CPLX2: variants seen among roughly 807,000 people sequenced by gnomAD.
CPLX2 encodes the protein complexin 2, also known as complexin-2.
CPLX2 carries 5 observed loss-of-function variants against 16.3 expected under a neutral mutation model. The observed-to-expected ratio is 0.31, with a 90% confidence interval of 0.16 to 0.64. CPLX2 has a LOEUF of 0.64. Ranked by LOEUF, CPLX2 falls within the 30% of genes least tolerant of loss-of-function variation. The probability of loss-of-function intolerance (pLI) is 0.79; values close to 1 mark genes in which losing one functional copy is unlikely to be tolerated. For missense variants in CPLX2, 144 were observed against 181.4 expected (o/e 0.79, Z 1.18); for synonymous variants, 89 against 73.2 (o/e 1.22, Z -1.10).
Position 175,809,590 on chromosome 5 carries a change from G to A in CPLX2, c.-89+522G>A, listed in dbSNP as rs961465331. 2.0e-5 allele frequency among the ~76,000 whole-genome samples: 3 copies of A among 152,146 alleles called. No homozygotes were observed. The highest frequency in any genetic ancestry group is 1.9e-4 in the East Asian group (1 of 5,172). On this transcript the variant is annotated intron_variant, in intron 2 of 4. Coordinates refer to the CPLX2 transcript ENST00000359546. The surrounding 1 kb of genome is among the most constrained non-coding windows in gnomAD (Gnocchi z 4.4). ...TCCTGTGCTTTTTCTGCTGAGCCAC[G>A]GCTTCCTGCACTGATGAGCTCAACA...
At chr5:175,801,552 C>A in intron 1 of CPLX2, among the ~76,000 whole-genome samples, 1 of 152,158 alleles carries the variant, frequency 6.6e-6, no homozygotes, top group East Asian at 1.9e-4. Flanking sequence ...CAAATCCCAG[C>A]CCTGCCATTG....
chr5:175,873,715 T>C (rs1759690756), intron 1 of CPLX2, among the ~76,000 whole-genome samples: 1 of 152,206 alleles, frequency 6.6e-6, no homozygotes, highest in African/African-American at 2.4e-5. Flanking sequence ...TGATGTTAGA[T>C]AATATGTACC....
chr5:175,824,729 G>A (rs907879828), intron 2 of CPLX2, among the ~76,000 whole-genome samples: 6 of 152,190 alleles, frequency 3.9e-5, no homozygotes, highest in African/African-American at 9.7e-5. Flanking sequence ...ACAACAACTC[G>A]GAAGGCTGAG....
chr5:175,803,779 AT>A (rs1315457740), intron 1 of CPLX2, among the ~76,000 whole-genome samples: 1 of 152,194 alleles, frequency 6.6e-6, no homozygotes, highest in Non-Finnish European at 1.5e-5. Context: ...TGTCAGAGTG[AT>A]CCCCTGGGCC....
intron 1 of CPLX2, among the ~76,000 whole-genome samples, chr5:175,798,001 A>G (rs1758025473): frequency 1.3e-5 from 2 of 152,194 alleles, no homozygotes; most frequent in Non-Finnish European, 2.9e-5. Context: ...GACAAGGCCT[A>G]GGGGGCAGGG....
intron 2 of CPLX2, among the ~76,000 whole-genome samples, chr5:175,839,690 A>G (rs1313925040): frequency 1.3e-5 from 2 of 152,254 alleles, no homozygotes; most frequent in Non-Finnish European, 2.9e-5. Context: ...AACCAAGATT[A>G]CATTAAACAT....
intron 2 of CPLX2, among the ~76,000 whole-genome samples, chr5:175,825,505 C>T (rs1407287734): frequency 6.6e-6 from 1 of 152,146 alleles, no homozygotes; most frequent in Non-Finnish European, 1.5e-5. Context: ...CTGGCAGAAG[C>T]CAGAGTGTGA....
chr5:175,841,965 C>T (rs939962758), intron 2 of CPLX2, among the ~76,000 whole-genome samples: 4 of 152,384 alleles, frequency 2.6e-5, no homozygotes, highest in Admixed American at 6.5e-5. Flanking sequence ...TCCTAGCACT[C>T]GCTGCTCAAT....
At chr5:175,852,512 C>T (rs1284248431) in intron 2 of CPLX2, among the ~76,000 whole-genome samples, 1 of 152,200 alleles carries the variant, frequency 6.6e-6, no homozygotes, top group Admixed American at 6.5e-5. Flanking sequence ...GCTTTCTGTG[C>T]CAGGCACCAT....
chr5:175,820,343 G>T (rs914350876), intron 2 of CPLX2, among the ~76,000 whole-genome samples: 2 of 152,216 alleles, frequency 1.3e-5, no homozygotes, highest in African/African-American at 4.8e-5. Flanking sequence ...TCTGTGACTA[G>T]CGGGGCTCCG....
At chr5:175,799,551 T>TATATATATATAC (rs1758051768) in intron 1 of CPLX2, among the ~76,000 whole-genome samples, 2 of 137,114 alleles carry the variant, frequency 1.5e-5, no homozygotes, top group African/African-American at 5.6e-5. Context: ...TATATATATA[T>TATATATATATAC]ATATATATAT....
At chr5:175,858,534 C>T (rs1759303847) in intron 2 of CPLX2, among the ~76,000 whole-genome samples, 1 of 152,168 alleles carries the variant, frequency 6.6e-6, no homozygotes, top group Non-Finnish European at 1.5e-5. Context: ...CCCCGGGGGC[C>T]AGTGTCAGTG....
At chr5:175,828,891 G>C (rs1438821933) in intron 2 of CPLX2, among the ~76,000 whole-genome samples, 1 of 152,178 alleles carries the variant, frequency 6.6e-6, no homozygotes, top group Non-Finnish European at 1.5e-5. Context: ...TCCTAGAGAG[G>C]CTGTGATTCA....
chr5:175,854,529 T>C (rs976860755), intron 2 of CPLX2, among the ~76,000 whole-genome samples: 1 of 152,212 alleles, frequency 6.6e-6, no homozygotes, highest in Non-Finnish European at 1.5e-5. Flanking sequence ...AAGGAAGCTA[T>C]GCATGTCAAA....
intron 2 of CPLX2, among the ~76,000 whole-genome samples, chr5:175,815,346 G>A (rs1758386556): frequency 6.6e-6 from 1 of 152,082 alleles, no homozygotes; most frequent in South Asian, 2.1e-4. Context: ...TCACTCAGGG[G>A]CTGCAAACCC....
chr5:175,866,756 G>A (rs1040466419), upstream of CPLX2, among the ~76,000 whole-genome samples: 1 of 152,150 alleles, frequency 6.6e-6, no homozygotes, highest in Non-Finnish European at 1.5e-5. Context: ...TTCATATGTT[G>A]AGCCTGGTAC....
At chr5:175,805,654 C>T (rs1758185122) in intron 1 of CPLX2, 2 of 152,364 alleles carry the variant, frequency 1.3e-5, no homozygotes, top group African/African-American at 2.4e-5. Context: ...ATCCCAGCCC[C>T]ACCTTTCCTT....
intron 2 of CPLX2, among the ~76,000 whole-genome samples, chr5:175,860,387 C>T (rs1390587181): frequency 6.7e-6 from 1 of 148,320 alleles, no homozygotes; most frequent in Non-Finnish European, 1.5e-5. Flanking sequence ...TGTGCCATTG[C>T]TCTCCAGTTC....
intron 1 of CPLX2, 21 bp from the exon 2 acceptor site, chr5:175,878,631 A>C (rs1755471587): frequency 3.9e-6 from 5 of 1,269,850 alleles, no homozygotes; most frequent in Non-Finnish European, 5.6e-6. Context: ...CTCCCATCTG[A>C]CTCCCAATTC....
Sources: gnomAD v4.1 joint callset for allele counts (sites outside exome capture counted in the v4.1 genomes callset) on GRCh38, gnomAD v4.1.1 for gene constraint, Gnocchi (gnomAD v3.1) non-coding constraint, MANE v1.5 for transcripts, NCBI Gene and HGNC (gene_info 2026-07-23, HGNC 2026-07-21) for gene names.